Variants in USP34 observed in about 807,000 individuals in gnomAD.
USP34 encodes ubiquitin specific peptidase 34, also known as ubiquitin carboxyl-terminal hydrolase 34.
Under a neutral mutation model 460.3 loss-of-function variants are expected in USP34, and 70 were observed. That is an observed-to-expected ratio of 0.15 (90% CI 0.13 to 0.19). The LOEUF is 0.19. Among genes scored for constraint, USP34 ranks in the 10% least tolerant of loss-of-function variants. The pLI is 1.00. For missense variants in USP34, 3,985 were observed against 4,236.2 expected (o/e 0.94, Z 1.65); for synonymous variants, 1,647 against 1,405.3 (o/e 1.17, Z -3.85).
intron 27 of USP34, among the ~76,000 whole-genome samples, chr2:61,303,580 G>A (rs540479316): frequency 2.0e-5 from 3 of 152,114 alleles, no homozygotes; most frequent in East Asian, 3.9e-4. Context: ...GCTACTGGAT[G>A]GACAGAAATT....
intron 48 of USP34, among the ~76,000 whole-genome samples, chr2:61,253,919 G>A (rs1688653884): frequency 6.6e-6 from 1 of 152,134 alleles, no homozygotes; most frequent in Non-Finnish European, 1.5e-5. Context: ...ATTTTTAGTA[G>A]AGACAGGGTT....
chr2:61,397,459 A>AC (rs1356044746), intron 3 of USP34, among the ~76,000 whole-genome samples: 2 of 146,920 alleles, frequency 1.4e-5, no homozygotes, highest in Admixed American at 6.9e-5. Flanking sequence ...AAAAAAAAAA[A>AC]ATTCACGCTG....
At chr2:61,390,808 A>C (rs1294398328) in intron 5 of USP34, among the ~76,000 whole-genome samples, 2 of 151,894 alleles carry the variant, frequency 1.3e-5, no homozygotes, top group Non-Finnish European at 2.9e-5. Flanking sequence ...GAAAAAAAAA[A>C]CTCACCAGCC....
intron 3 of USP34, among the ~76,000 whole-genome samples, chr2:61,398,535 G>A (rs1343959726): frequency 7.6e-6 from 1 of 131,160 alleles, no homozygotes; most frequent in Non-Finnish European, 1.6e-5. Flanking sequence ...CGGGGAAGGA[G>A]GCGGAAGCGG....
chr2:61,376,958 A>G (rs1692817017), intron 8 of USP34, among the ~76,000 whole-genome samples: 1 of 152,232 alleles, frequency 6.6e-6, no homozygotes, highest in African/African-American at 2.4e-5. Flanking sequence ...CTGTAGCTTT[A>G]TAAATACACT....
Position 61,316,088 on chromosome 2 carries a change from C to T in USP34, c.3283-1114G>A, listed in dbSNP as rs182062942. Among the ~76,000 whole-genome samples the T allele has an allele frequency of 2.8e-3, 419 of 150,816 alleles. 1 individual carries two copies. The highest frequency in any genetic ancestry group is 9.5e-3 in the African/African-American group (390 of 41,084). Reference sequence around the variant, plus strand: ...AGCCAGGCAGGCATGCGCCTATAATCCCAGCTACTCGGGAGGTTGAAGCAA... The same window carrying T: ...AGCCAGGCAGGCATGCGCCTATAATTCCAGCTACTCGGGAGGTTGAAGCAA... On this transcript the variant is annotated intron_variant, in intron 23 of 79. Coordinates refer to ENST00000398571, the MANE Select transcript of USP34 (RefSeq NM_014709.4).
At position 61,353,595 on chromosome 2, in the gene USP34, T is replaced by G. The variant is rs996918369; in HGVS notation, c.1252-2902A>C. Among the ~76,000 whole-genome samples the G allele has an allele frequency of 6.7e-5, 10 of 148,586 alleles. No homozygotes were observed. The East Asian group carries it at 1.5e-3, about 23-fold the overall frequency. ...TTTTTGTTTTTTTTGTTTAGTTGGG[T>G]TTTTTTTGTATTTTTAGTGAAGACA... On this transcript the variant is annotated intron_variant, in intron 10 of 79. Transcript: ENST00000398571.
At chr2:61,437,737 C>T (rs1218996666) in intron 1 of USP34, among the ~76,000 whole-genome samples, 1 of 150,566 alleles carries the variant, frequency 6.6e-6, no homozygotes, top group Non-Finnish European at 1.5e-5. Flanking sequence ...TGTACCACTG[C>T]ACTCCAGCCT....
chr2:61,424,606 T>C (rs1002158347), intron 1 of USP34, among the ~76,000 whole-genome samples: 3 of 152,186 alleles, frequency 2.0e-5, no homozygotes, highest in African/African-American at 7.2e-5. Flanking sequence ...AAGAAATGTT[T>C]CGCTCATGTC....
At chr2:61,345,327 A>C (rs1691735144) in intron 15 of USP34, among the ~76,000 whole-genome samples, 1 of 151,850 alleles carries the variant, frequency 6.6e-6, no homozygotes, top group African/African-American at 2.4e-5. Context: ...CTTGAAAAAC[A>C]CTTCCTTAAT....
intron 27 of USP34, among the ~76,000 whole-genome samples, chr2:61,308,688 A>AT (rs1690488969): frequency 6.6e-6 from 1 of 152,190 alleles, no homozygotes; most frequent in Non-Finnish European, 1.5e-5. Flanking sequence ...TAAAAGACCT[A>AT]TACTCAGGCC....
intron 16 of USP34, among the ~76,000 whole-genome samples, chr2:61,340,526 A>G (rs1691562246): frequency 6.6e-6 from 1 of 152,222 alleles, no homozygotes; most frequent in African/African-American, 2.4e-5. Flanking sequence ...TCAGCAGTGT[A>G]TGAGAGCATC....
At chr2:61,387,218 T>C (rs1693174817) in intron 5 of USP34, among the ~76,000 whole-genome samples, 1 of 152,070 alleles carries the variant, frequency 6.6e-6, no homozygotes, top group Admixed American at 6.6e-5. Flanking sequence ...CAAAGCACTT[T>C]GGGAGGCTGA....
chr2:61,414,273 TA>T (rs33955394), intron 2 of USP34, among the ~76,000 whole-genome samples: 16 of 147,864 alleles, frequency 1.1e-4, no homozygotes, highest in East Asian at 2.0e-4. Context: ...TAAATAACTT[TA>T]AAAAAAAAAA....
intron 1 of USP34, among the ~76,000 whole-genome samples, chr2:61,439,299 G>A (rs1558595244): frequency 6.6e-6 from 1 of 152,142 alleles, no homozygotes; most frequent in Non-Finnish European, 1.5e-5. Context: ...CCTCAGCTGT[G>A]TAGAGCCACT....
At chr2:61,236,269 A>G (rs759021944) in intron 54 of USP34, 33 bp from the exon 55 acceptor site, 15 of 1,595,516 alleles carry the variant, frequency 9.4e-6, no homozygotes, top group Non-Finnish European at 1.3e-5. Flanking sequence ...TAAAATTCAC[A>G]CGTAAGATTT....
chr2:61,387,497 G>GTA lies in USP34; in HGVS notation c.754-4163_754-4162dup, dbSNP rs551268918. ...CAACAACAAAAGTGTGTGTGTGAGT[G>GTA]TATATATATGTATGTATGTATATAT... On this transcript the variant is annotated intron_variant, in intron 5 of 79. Transcript: ENST00000398571. Among the ~76,000 whole-genome samples, 8 of 147,734 alleles carry GTA rather than the reference G, an allele frequency of 5.4e-5. No homozygotes were observed. In the South Asian group the frequency reaches 1.7e-3, roughly 31 times the overall value.
chr2:61,194,241 G>T, intron 75 of USP34: 1 of 985,338 alleles, frequency 1.0e-6, no homozygotes, highest in Non-Finnish European at 1.2e-6. Context: ...GACACAAGAG[G>T]CAAGGAAATG....
intron 32 of USP34, 23 bp from the exon 33 acceptor site, chr2:61,293,573 TAGTA>T: frequency 1.2e-5 from 19 of 1,586,582 alleles, no homozygotes; most frequent in Non-Finnish European, 1.5e-5. Context: ...GTGAAAGTAA[TAGTA>T]AGAGAAAAGC....
Sources: allele counts gnomAD v4.1 joint callset (sites outside exome capture counted in the v4.1 genomes callset), GRCh38; gene constraint gnomAD v4.1.1; transcripts MANE v1.5; gene names NCBI Gene and HGNC (gene_info 2026-07-23, HGNC 2026-07-21).